ST6GALNAC3: variants seen among roughly 807,000 people sequenced by gnomAD.
ST6GALNAC3 encodes the protein ST6 N-acetylgalactosaminide alpha-2,6-sialyltransferase 3.
A neutral mutation model predicts 32.7 loss-of-function variants in ST6GALNAC3; 25 were observed. That is an observed-to-expected ratio of 0.76 (90% CI 0.56 to 1.07). ST6GALNAC3 has a LOEUF of 1.07. Ranked by LOEUF, ST6GALNAC3 falls within the 50% of genes least tolerant of loss-of-function variation. ST6GALNAC3 has a pLI of 0.00. For synonymous variants in ST6GALNAC3, 129 were observed against 133.1 expected (o/e 0.97, Z 0.21); for missense variants, 355 against 382.4 (o/e 0.93, Z 0.60).
intron 3 of ST6GALNAC3, among the ~76,000 whole-genome samples, chr1:76,558,728 T>G (rs764380065): frequency 1.3e-5 from 2 of 152,162 alleles, no homozygotes; most frequent in Non-Finnish European, 2.9e-5. Flanking sequence ...AACCTGCACA[T>G]GTACCCGTAA....
intron 1 of ST6GALNAC3, among the ~76,000 whole-genome samples, chr1:76,132,788 G>A (rs1465993204): frequency 1.3e-5 from 2 of 152,180 alleles, no homozygotes; most frequent in African/African-American, 2.4e-5. Flanking sequence ...GTCTTCCATT[G>A]TGGGGGATCC....
intron 3 of ST6GALNAC3, among the ~76,000 whole-genome samples, chr1:76,492,083 C>T (rs1160997873): frequency 1.3e-5 from 2 of 152,156 alleles, no homozygotes; most frequent in African/African-American, 2.4e-5. Context: ...TATGAGTAAC[C>T]TAAAGTACAG....
intron 3 of ST6GALNAC3, among the ~76,000 whole-genome samples, chr1:76,611,951 C>G (rs975039850): frequency 6.6e-6 from 1 of 152,120 alleles, no homozygotes; most frequent in Non-Finnish European, 1.5e-5. Flanking sequence ...TGTGTCTAAC[C>G]CAGCTGTACT....
Position 76,246,742 on chromosome 1 carries a change from G to C in ST6GALNAC3, c.19-67063G>C, listed in dbSNP as rs140690405. On this transcript the variant is annotated intron_variant, in intron 1 of 4. Coordinates refer to ENST00000328299, the MANE Select transcript of ST6GALNAC3 (RefSeq NM_152996.4). ...AAGGTGCTTAGCTTCCTTGCATTGG[G>C]TTCGAACATGCTCTTTTAGCTCAGA... 6.8e-3 allele frequency among the ~76,000 whole-genome samples: 1,040 copies of C among 152,182 alleles called. 11 individuals carry two copies. The highest frequency in any genetic ancestry group is 0.024 in the African/African-American group (989 of 41,532).
At chr1:76,472,429 T>C (rs758013009) in intron 3 of ST6GALNAC3, among the ~76,000 whole-genome samples, 2 of 152,144 alleles carry the variant, frequency 1.3e-5, no homozygotes, top group Non-Finnish European at 2.9e-5. Context: ...CTTGGTGATC[T>C]GTGTGAGAAC....
intron 2 of ST6GALNAC3, among the ~76,000 whole-genome samples, chr1:76,362,615 G>T (rs1192019299): frequency 1.3e-5 from 2 of 152,126 alleles, no homozygotes; most frequent in Non-Finnish European, 2.9e-5. Context: ...ATAGACATTG[G>T]GTAAATACTC....
intron 1 of ST6GALNAC3, among the ~76,000 whole-genome samples, chr1:76,084,377 G>T (rs543591811): frequency 1.3e-5 from 2 of 152,192 alleles, no homozygotes; most frequent in Non-Finnish European, 2.9e-5. Flanking sequence ...ATGTTGTGCA[G>T]CTGTGAGTTT....
chr1:76,431,833 C>T (rs192992881), intron 3 of ST6GALNAC3, among the ~76,000 whole-genome samples: 1 of 152,150 alleles, frequency 6.6e-6, no homozygotes, highest in African/African-American at 2.4e-5. Context: ...AGTGACACAT[C>T]ATTATCCCCC....
At chr1:76,381,854 C>A (rs1183391972) in intron 2 of ST6GALNAC3, among the ~76,000 whole-genome samples, 2 of 152,082 alleles carry the variant, frequency 1.3e-5, no homozygotes, top group African/African-American at 4.8e-5. Context: ...GAATTCTGCA[C>A]GTGACTTTCC....
intron 2 of ST6GALNAC3, among the ~76,000 whole-genome samples, chr1:76,384,594 A>G (rs897613908): frequency 2.0e-5 from 3 of 152,170 alleles, no homozygotes; most frequent in East Asian, 3.8e-4. Context: ...ATTTTTTTCA[A>G]GTAAACATAA....
At chr1:76,480,140 G>A (rs758530484) in intron 3 of ST6GALNAC3, among the ~76,000 whole-genome samples, 1 of 152,066 alleles carries the variant, frequency 6.6e-6, no homozygotes, top group Non-Finnish European at 1.5e-5. Flanking sequence ...TGTTTTAAAT[G>A]ATGAGAAAAG....
chr1:76,379,021 C>A (rs1011909783), intron 2 of ST6GALNAC3, among the ~76,000 whole-genome samples: 1 of 152,140 alleles, frequency 6.6e-6, no homozygotes, highest in African/African-American at 2.4e-5. Context: ...CCTCAGCCTC[C>A]CAAGTAGCTG....
intron 2 of ST6GALNAC3, among the ~76,000 whole-genome samples, chr1:76,410,034 C>T (rs769553742): frequency 2.8e-4 from 43 of 152,018 alleles, no homozygotes; most frequent in Non-Finnish European, 5.5e-4. Context: ...GTAGCAGCGG[C>T]CTAATCTCCT....
intron 2 of ST6GALNAC3, among the ~76,000 whole-genome samples, chr1:76,315,084 GA>G (rs113952212): frequency 0.095 from 14,373 of 151,780 alleles, 765 homozygotes; most frequent in Middle Eastern, 0.16. Context: ...TTTTATAGTT[GA>G]AAAAAAGCAC....
In ST6GALNAC3 at chr1:76,109,277, T is replaced by A. The variant is rs1041994374; in HGVS notation, c.18+34393T>A. ...TCCTGGCTACACTCTCCCTACTTCC[T>A]CCCCATTAAGAGTAATGGGAGAGTT... On this transcript the variant is annotated intron_variant, in intron 1 of 4. Transcript: ENST00000328299. 2.6e-5 allele frequency among the ~76,000 whole-genome samples: 4 copies of A among 152,108 alleles called. No homozygotes were observed. The South Asian group carries it at 6.2e-4, about 24-fold the overall frequency.
chr1:76,185,537 T>G (rs147291445), intron 1 of ST6GALNAC3, among the ~76,000 whole-genome samples: 1 of 152,326 alleles, frequency 6.6e-6, no homozygotes, highest in East Asian at 1.9e-4. Flanking sequence ...GTCTGTGGTT[T>G]CATCTGTGCC....
At chr1:76,582,661 T>A (rs991255277) in intron 3 of ST6GALNAC3, among the ~76,000 whole-genome samples, 10 of 152,212 alleles carry the variant, frequency 6.6e-5, no homozygotes, top group African/African-American at 2.2e-4. Flanking sequence ...ATTCCTTTTT[T>A]GGGACAGTAT....
chr1:76,175,173 G>T (rs1163023273), intron 1 of ST6GALNAC3, among the ~76,000 whole-genome samples: 1 of 151,490 alleles, frequency 6.6e-6, no homozygotes, highest in East Asian at 1.9e-4. Context: ...GTTTTTGCTG[G>T]GTCAATGTTT....
chr1:76,263,523 G>T (rs547691443), intron 1 of ST6GALNAC3, among the ~76,000 whole-genome samples: 1 of 152,256 alleles, frequency 6.6e-6, no homozygotes, highest in African/African-American at 2.4e-5. Context: ...TCAGAAGGTA[G>T]CTCAGTTAAG....
Sources: gnomAD v4.1 joint callset for allele counts (sites outside exome capture counted in the v4.1 genomes callset) on GRCh38, gnomAD v4.1.1 for gene constraint, MANE v1.5 for transcripts, NCBI Gene and HGNC (gene_info 2026-07-23, HGNC 2026-07-21) for gene names.